Variants in LTBP2 observed in about 807,000 individuals in gnomAD.
LTBP2 encodes the protein latent transforming growth factor beta binding protein 2.
Under a neutral mutation model 210.6 loss-of-function variants are expected in LTBP2, and 103 were observed. The observed-to-expected ratio is 0.49, with a 90% confidence interval of 0.42 to 0.58. The LOEUF (loss-of-function observed/expected upper bound fraction) is 0.58. Among genes scored for constraint, LTBP2 ranks in the 20% least tolerant of loss-of-function variants. The probability of loss-of-function intolerance (pLI) is 0.00; values close to 1 mark genes in which losing one functional copy is unlikely to be tolerated. For synonymous variants in LTBP2, 1,007 were observed against 1,015.0 expected (o/e 0.99, Z 0.15); for missense variants, 2,313 against 2,494.5 (o/e 0.93, Z 1.55).
At chr14:74,610,326 G>T (rs907770061) in intron 1 of LTBP2, among the ~76,000 whole-genome samples, 1 of 152,242 alleles carries the variant, frequency 6.6e-6, no homozygotes, top group Non-Finnish European at 1.5e-5. Flanking sequence ...GAAAGAGACA[G>T]AGCTCAATCC....
chr14:74,569,068 G>C (rs957391724), intron 3 of LTBP2, among the ~76,000 whole-genome samples: 1 of 151,926 alleles, frequency 6.6e-6, no homozygotes, highest in Non-Finnish European at 1.5e-5. Context: ...GTAGCTGCTT[G>C]AGCATGTCAA....
chr14:74,516,887 G>A lies in LTBP2; in HGVS notation c.2843C>T (p.Thr948Ile). The change falls in exon 18 of 36, where the codon ACC (threonine) becomes ATC (isoleucine). Residue 948 changes from threonine to isoleucine, a missense_variant. Transcript: ENST00000261978. ...ACACTCGCAGTGGTACGAGCCCTCG[G>A]TGTTGGTGCACTGCCCCCCGCTGCA... Reference protein sequence around the residue: ...GVCSGGQCTNTEGSYHCECDQ... With the variant: ...GVCSGGQCTNIEGSYHCECDQ... The A allele has an allele frequency of 6.4e-7, 1 of 1,551,922 alleles. No homozygotes were observed. The highest frequency in any genetic ancestry group is 8.7e-7 in the Non-Finnish European group (1 of 1,147,090).
chr14:74,500,436 G>T lies in LTBP2; in HGVS notation c.*448C>A. On this transcript the variant is annotated 3_prime_UTR_variant, in exon 36 of 36. Transcript: ENST00000261978. ...CCCAAGCTTCCCCAAATCCTTTCTT[G>T]CTCCACAGATTCTGAAGGACCTCCC... 2.7e-6 allele frequency: 1 copy of T among 364,914 alleles called. No individual in the cohort carries two copies. The highest frequency in any genetic ancestry group is 5.2e-6 in the Non-Finnish European group (1 of 193,728). 22.6% of individuals were successfully genotyped at this position (364,914 alleles called of 1,614,324 possible). A position where few individuals can be genotyped will look rare whatever the true frequency, so the allele number is the denominator to read the frequency against.
Position 74,525,105 on chromosome 14 carries a change from A to G in LTBP2, c.2530+19T>C, listed in dbSNP as rs1291296266. The G allele has an allele frequency of 8.5e-6, 11 of 1,295,578 alleles. No individual in the cohort carries two copies. The highest frequency in any genetic ancestry group is 1.5e-5 in the African/African-American group (1 of 65,846). 80.3% of individuals were successfully genotyped at this position (1,295,578 alleles called of 1,614,324 possible). ...ACAGGGCAGGGTGCAGGGAGCCCCA[A>G]AGGTCTGGCTGCAGCTACCTGGGGT... On this transcript the variant is annotated intron_variant, in intron 15 of 35. Transcript: ENST00000261978.
intron 1 of LTBP2, among the ~76,000 whole-genome samples, chr14:74,607,353 TA>T (rs1322807114): frequency 6.6e-6 from 1 of 152,238 alleles, no homozygotes; most frequent in Non-Finnish European, 1.5e-5. Context: ...TCAATTTTCC[TA>T]CAGTTATCTT....
chr14:74,516,552 G>C (rs781092435), intron 18 of LTBP2, among the ~76,000 whole-genome samples: 2 of 152,146 alleles, frequency 1.3e-5, no homozygotes, highest in African/African-American at 2.4e-5. Context: ...GCAACAGGGC[G>C]GAGGTTACAG....
chr14:74,511,149 C>T, intron 19 of LTBP2, 96 bp downstream of exon 19: 4 of 1,592,540 alleles, frequency 2.5e-6, no homozygotes, highest in Admixed American at 1.7e-5. Context: ...TCCAAGCCAC[C>T]TCCCTCTGCC....
rs75814820 is a variant in LTBP2, at chr14:74,502,490, G to A, written c.5170+163C>T. ...GGAGTTGTTAGGGTCGGACCTGGGC[G>A]TATGTACTTGTCTCAAGCGAGCCGT... is the stretch of plus-strand genomic sequence containing the variant. On this transcript the variant is annotated intron_variant, in intron 34 of 35. Transcript: ENST00000261978. 773 of 872,722 alleles carry A rather than the reference G, an allele frequency of 8.9e-4. 4 individuals carry two copies. The African/African-American group carries it at 0.011, about 13-fold the overall frequency. 54.1% of individuals were successfully genotyped at this position (872,722 alleles called of 1,614,324 possible). A position where few individuals can be genotyped will look rare whatever the true frequency, so the allele number is the denominator to read the frequency against.
chr14:74,538,016 A>G (rs1314086203), intron 8 of LTBP2, among the ~76,000 whole-genome samples: 1 of 152,210 alleles, frequency 6.6e-6, no homozygotes, highest in Non-Finnish European at 1.5e-5. Context: ...TGGCCTCCCA[A>G]AGTGCTGGAA....
intron 3 of LTBP2, 43 bp downstream of exon 3, chr14:74,585,811 G>A: frequency 6.2e-7 from 1 of 1,613,798 alleles, no homozygotes; most frequent in South Asian, 1.1e-5. Flanking sequence ...TCCAAAAAGA[G>A]ACTGAGCCCC....
chr14:74,579,315 C>T (rs966766069), intron 3 of LTBP2, among the ~76,000 whole-genome samples: 7 of 152,218 alleles, frequency 4.6e-5, no homozygotes, highest in African/African-American at 9.6e-5. Context: ...TAGTTCCCTC[C>T]GTTCCCTCAG....
At chr14:74,577,680 TG>T (rs2139779010) in intron 3 of LTBP2, among the ~76,000 whole-genome samples, 1 of 152,036 alleles carries the variant, frequency 6.6e-6, no homozygotes, top group Non-Finnish European at 1.5e-5. Context: ...AGCTAATTTT[TG>T]TATCTTTAGT....
At position 74,503,265 on chromosome 14, in the gene LTBP2, G is replaced by A. The variant is rs187089226; in HGVS notation, c.4842C>T (p.Gly1614=). Residue 1614 remains glycine (G), a synonymous_variant, in exon 33 of 36, where the codon GGC becomes GGT. Transcript: ENST00000261978. ...GAGCACACTGCTGGCTCCAGGCCTC[G>A]CCGTCCTGGCAGCAGCATTCCGTGT... The part of the protein sequence containing the change: ...TTYTECCCQD[G]EAWSQQCALC... The A allele has an allele frequency of 8.7e-6, 14 of 1,614,012 alleles. No homozygotes were observed. In the East Asian group the frequency reaches 8.9e-5, roughly 10 times the overall value.
At chr14:74,512,423 A>T (rs1157697540) in intron 18 of LTBP2, among the ~76,000 whole-genome samples, 1 of 152,204 alleles carries the variant, frequency 6.6e-6, no homozygotes, top group Non-Finnish European at 1.5e-5. Context: ...CTCAGCACCT[A>T]TGGAGGAAGT....
rs373950959 is a variant in LTBP2 at position 74,522,757 on chromosome 14, C to T, written c.2659+33G>A. The T allele has an allele frequency of 1.3e-4, 203 of 1,598,094 alleles. 1 individual carries two copies. In the African/African-American group the frequency reaches 1.4e-3, roughly 11 times the overall value. On this transcript the variant is annotated intron_variant, in intron 16 of 35. Transcript: ENST00000261978. ...AGCCCCTGCTCCCATCTACCCCAGCCGCCAAGTAAGCCCAGGGCACCCAAG... is the reference window on the plus strand; with the variant it reads ...AGCCCCTGCTCCCATCTACCCCAGCTGCCAAGTAAGCCCAGGGCACCCAAG...
chr14:74,532,504 A>T lies in LTBP2; in HGVS notation c.1909T>A (p.Cys637Ser). Residue 637 changes from cysteine (C) to serine (S), a missense_variant, in exon 10 of 36, where the codon TGT becomes AGT. Cys to Ser is a moderately radical substitution (Grantham distance 112, BLOSUM62 -1). This residue lies in a region of LTBP2 where 1,867 missense variants were observed against 1,976.9 expected (regional missense o/e 0.94). Transcript: ENST00000261978. ...LTLGLCKDAE[C>S]VNTRGSYLCT... ...AGGTAGCTGCCCCTGGTATTCACAC[A>T]CTCCGCGTCCTTGCACAGGCCCAGG... 6.2e-7 allele frequency: 1 copy of T among 1,614,058 alleles called. No individual in the cohort carries two copies. The highest frequency in any genetic ancestry group is 8.5e-7 in the Non-Finnish European group (1 of 1,179,994).
chr14:74,548,963 AT>A (rs1462117747), intron 8 of LTBP2, among the ~76,000 whole-genome samples: 1 of 152,208 alleles, frequency 6.6e-6, no homozygotes, highest in Non-Finnish European at 1.5e-5. Context: ...GTCTACACTT[AT>A]TTTTAGTTTG....
chr14:74,564,345 T>TTATATATATATTTATA (rs1483904765), intron 3 of LTBP2, among the ~76,000 whole-genome samples: 1 of 5,496 alleles, frequency 1.8e-4, no homozygotes. Flanking sequence ...ATATATATAT[T>TTATATATATATTTATA]TATATATATT....
chr14:74,500,794 C>G lies in LTBP2; in HGVS notation c.*90G>C. 6.5e-7 allele frequency: 1 copy of G among 1,550,216 alleles called. No homozygotes were observed. Among genetic ancestry groups the G allele is most frequent in the South Asian group, 1.1e-5 (1 of 89,572 alleles). ...ATTGGAAACCTCTGGCCTGATGTCA[C>G]GGTGTCTTCCCAGCTAGGAAATCAT... is the stretch of plus-strand genomic sequence containing the variant. On this transcript the variant is annotated 3_prime_UTR_variant, in exon 36 of 36. Coordinates refer to ENST00000261978, the MANE Select transcript of LTBP2 (RefSeq NM_000428.3).
Sources: allele counts gnomAD v4.1 joint callset (sites outside exome capture counted in the v4.1 genomes callset), GRCh38; gene constraint gnomAD v4.1.1; regional missense constraint gnomAD v4.1.1; transcripts MANE v1.5; gene names NCBI Gene and HGNC (gene_info 2026-07-23, HGNC 2026-07-21).